The following DCUN1D4 variants were observed in gnomAD, a reference collection of about 807,000 sequenced individuals.
DCUN1D4 encodes DCN1-like protein 4.
A neutral mutation model predicts 47.9 loss-of-function variants in DCUN1D4; 22 were observed. That is an observed-to-expected ratio of 0.46 (90% CI 0.33 to 0.66). The LOEUF is 0.66. Ranked by LOEUF, DCUN1D4 falls within the 30% of genes least tolerant of loss-of-function variation. The pLI, the probability that DCUN1D4 is intolerant of heterozygous loss-of-function variation, is 0.02. For synonymous variants in DCUN1D4, 121 were observed against 112.2 expected (o/e 1.08, Z -0.50); for missense variants, 301 against 340.8 (o/e 0.88, Z 0.92).
At chr4:51,875,576 G>A (rs1727547704) in intron 4 of DCUN1D4, among the ~76,000 whole-genome samples, 1 of 152,034 alleles carries the variant, frequency 6.6e-6, no homozygotes, top group Non-Finnish European at 1.5e-5. Context: ...TAAGTTAACT[G>A]AGTTGTACAC....
At chr4:51,903,192 A>C (rs1251962941) in intron 8 of DCUN1D4, among the ~76,000 whole-genome samples, 2 of 151,908 alleles carry the variant, frequency 1.3e-5, no homozygotes, top group African/African-American at 2.4e-5. Flanking sequence ...TGCCTAAAAA[A>C]CTTTCTTTAA....
chr4:51,842,899 T>C, upstream of DCUN1D4: 1 of 409,452 alleles, frequency 2.4e-6, no homozygotes, highest in Non-Finnish European at 3.9e-6. Context: ...CTCGGACCCC[T>C]GGGGGTGACT....
intron 8 of DCUN1D4, among the ~76,000 whole-genome samples, chr4:51,905,777 AG>A (rs1732794006): frequency 6.6e-6 from 1 of 152,090 alleles, no homozygotes; most frequent in Non-Finnish European, 1.5e-5. Context: ...AGCAGCATTG[AG>A]GGCCAGGTGA....
chr4:51,843,612 T>A, intron 1 of DCUN1D4: 1 of 1,064,408 alleles, frequency 9.4e-7, no homozygotes, highest in Non-Finnish European at 1.1e-6. Flanking sequence ...CGTTGGGCTG[T>A]AGCGGGCAGG....
intron 7 of DCUN1D4, among the ~76,000 whole-genome samples, chr4:51,896,597 A>G (rs1215347095): frequency 1.3e-5 from 2 of 152,038 alleles, no homozygotes; most frequent in East Asian, 1.9e-4. Flanking sequence ...CACACCATTA[A>G]AAAAATCTAA....
At chr4:51,869,309 A>G (rs891414563) in intron 3 of DCUN1D4, among the ~76,000 whole-genome samples, 2 of 152,182 alleles carry the variant, frequency 1.3e-5, no homozygotes, top group Non-Finnish European at 2.9e-5. Flanking sequence ...CTGGTAAGAT[A>G]TCTTAAGCGG....
At position 51,911,101 on chromosome 4, in the gene DCUN1D4, C is replaced by G; in HGVS notation, c.647C>G (p.Thr216Ser). The G allele has an allele frequency of 6.2e-7, 1 of 1,613,608 alleles. No homozygotes were observed. The highest frequency in any genetic ancestry group is 8.5e-7 in the Non-Finnish European group (1 of 1,179,788). Residue 216 changes from threonine (T) to serine (S), a missense_variant, in exon 9 of 11, where the codon ACT (threonine) becomes AGT (serine). Thr to Ser is a moderately conservative substitution (Grantham distance 58). Around this residue, in one of 2 missense-constraint regions of DCUN1D4, gnomAD observed 170 missense variants for 234.5 expected, o/e 0.73. Coordinates refer to ENST00000334635, the MANE Select transcript of DCUN1D4 (RefSeq NM_001040402.3). ...GACCAGCGCAGCCTAGACATAAACA[C>G]TGCCAAGTGCATGTTGGGACTGTTA... ...EKDQRSLDINTAKCMLGLLLG... is the reference protein window; with the variant it reads ...EKDQRSLDINSAKCMLGLLLG...
At chr4:51,851,986 C>G (rs1723447037) in intron 1 of DCUN1D4, among the ~76,000 whole-genome samples, 2 of 152,156 alleles carry the variant, frequency 1.3e-5, no homozygotes, top group African/African-American at 4.8e-5. Context: ...TTCATTGAAC[C>G]CTGATTGGAA....
At chr4:51,906,261 C>A (rs897841853) in intron 8 of DCUN1D4, among the ~76,000 whole-genome samples, 1 of 152,108 alleles carries the variant, frequency 6.6e-6, no homozygotes, top group African/African-American at 2.4e-5. Flanking sequence ...TTTCAGGAAG[C>A]TGTAAGCAGC....
intron 6 of DCUN1D4, among the ~76,000 whole-genome samples, chr4:51,888,090 G>A (rs1263008600): frequency 6.6e-6 from 1 of 152,094 alleles, no homozygotes; most frequent in Non-Finnish European, 1.5e-5. Flanking sequence ...AAGCTTGGCA[G>A]AGTGTTTTCT....
chr4:51,852,364 A>G (rs1431451419), intron 1 of DCUN1D4, among the ~76,000 whole-genome samples: 3 of 152,262 alleles, frequency 2.0e-5, no homozygotes, highest in African/African-American at 7.2e-5. Flanking sequence ...CAGCAAAACT[A>G]GAAAACAACT....
At chr4:51,857,859 G>A (rs570980085) in intron 1 of DCUN1D4, among the ~76,000 whole-genome samples, 20 of 152,206 alleles carry the variant, frequency 1.3e-4, no homozygotes, top group South Asian at 4.1e-4. Flanking sequence ...TTGTATCTGC[G>A]TTTATTCATT....
chr4:51,886,896 A>G, intron 6 of DCUN1D4: 3 of 454,162 alleles, frequency 6.6e-6, no homozygotes, highest in South Asian at 6.4e-5. Flanking sequence ...GATGCTTACA[A>G]AATGGTGTGG....
intron 9 of DCUN1D4, among the ~76,000 whole-genome samples, chr4:51,911,432 C>T (rs1008060029): frequency 6.6e-6 from 1 of 152,182 alleles, no homozygotes; most frequent in Non-Finnish European, 1.5e-5. Context: ...TCTCTTTTCT[C>T]ATCCCCATTT....
chr4:51,912,789 T>C (rs1733898177), intron 9 of DCUN1D4, among the ~76,000 whole-genome samples: 1 of 152,224 alleles, frequency 6.6e-6, no homozygotes, highest in South Asian at 2.1e-4. Flanking sequence ...CCGGATCTCG[T>C]CAAGTAACCT....
intron 7 of DCUN1D4, among the ~76,000 whole-genome samples, chr4:51,893,925 G>T (rs932082815): frequency 3.9e-5 from 6 of 152,188 alleles, no homozygotes; most frequent in African/African-American, 9.6e-5. Context: ...CTCTACAAAA[G>T]AATATTACCT....
At chr4:51,834,438 T>C in the DCUN1D4 span, among the ~76,000 whole-genome samples, 1 of 151,898 alleles carries the variant, frequency 6.6e-6, no homozygotes, top group Non-Finnish European at 1.5e-5. Flanking sequence ...CTCCATTTCA[T>C]GATGCTGAAA....
chr4:51,876,344 A>C (rs1727668526), intron 4 of DCUN1D4, among the ~76,000 whole-genome samples: 1 of 151,094 alleles, frequency 6.6e-6, no homozygotes, highest in Admixed American at 6.6e-5. Flanking sequence ...GCATGTTCTC[A>C]CTCATAGGTG....
intron 1 of DCUN1D4, among the ~76,000 whole-genome samples, chr4:51,857,077 A>G (rs926781853): frequency 1.3e-5 from 2 of 152,194 alleles, no homozygotes; most frequent in Admixed American, 1.3e-4. Flanking sequence ...TCTGATTGGC[A>G]TGTGGAAACT....
Sources: gnomAD v4.1 joint callset for allele counts (sites outside exome capture counted in the v4.1 genomes callset) on GRCh38, gnomAD v4.1.1 for gene constraint, gnomAD v4.1.1 regional missense constraint, MANE v1.5 for transcripts, NCBI Gene and HGNC (gene_info 2026-07-23, HGNC 2026-07-21) for gene names.